CAST: variants seen among roughly 807,000 people sequenced by gnomAD.
CAST encodes MIR583 host.
In CAST, 76 loss-of-function variants were observed where a neutral mutation model predicts 119.6. The ratio of observed to expected loss-of-function variants is 0.64; its 90% CI spans 0.53 to 0.77. The LOEUF (loss-of-function observed/expected upper bound fraction) is 0.77. Ranked by LOEUF, CAST falls within the 30% of genes least tolerant of loss-of-function variation. The pLI, the probability that CAST is intolerant of heterozygous loss-of-function variation, is 0.00. For missense variants in CAST, 953 were observed against 946.5 expected (o/e 1.01, Z -0.09); for synonymous variants, 319 against 331.6 (o/e 0.96, Z 0.41).
chr5:96,325,723 G>T, the CAST span, among the ~76,000 whole-genome samples: 1 of 152,080 alleles, frequency 6.6e-6, no homozygotes, highest in Admixed American at 6.6e-5. Flanking sequence ...CAAATAATCT[G>T]CCTGTCTTGG....
the CAST span, among the ~76,000 whole-genome samples, chr5:96,161,985 T>C: frequency 6.6e-6 from 1 of 152,236 alleles, no homozygotes; most frequent in Non-Finnish European, 1.5e-5. Context: ...TCTACTAAAC[T>C]TATGTATTAG....
At chr5:96,105,313 C>T in the CAST span, among the ~76,000 whole-genome samples, 1 of 152,152 alleles carries the variant, frequency 6.6e-6, no homozygotes, top group African/African-American at 2.4e-5. Flanking sequence ...TGTCTTTTGC[C>T]AGTTTTCAAA....
At chr5:96,305,747 G>A in the CAST span, among the ~76,000 whole-genome samples, 4 of 151,120 alleles carry the variant, frequency 2.6e-5, no homozygotes, top group African/African-American at 9.6e-5. Flanking sequence ...TTATGTGATG[G>A]ATTATGTTTA....
the CAST span, among the ~76,000 whole-genome samples, chr5:96,490,742 A>G: frequency 2.0e-5 from 3 of 152,272 alleles, no homozygotes; most frequent in Non-Finnish European, 4.4e-5. Flanking sequence ...TACTAAAAAA[A>G]TCAACTCCAG....
chr5:96,650,894 G>A (rs1341513326), intron 1 of CAST, among the ~76,000 whole-genome samples: 1 of 152,098 alleles, frequency 6.6e-6, no homozygotes, highest in African/African-American at 2.4e-5. Context: ...CAACAGACTA[G>A]TGCAAAATAG....
At chr5:96,617,868 G>A (rs951758819) in intron 1 of CAST, among the ~76,000 whole-genome samples, 2 of 143,210 alleles carry the variant, frequency 1.4e-5, no homozygotes, top group South Asian at 4.7e-4. Flanking sequence ...AAGATGTAGA[G>A]GTTATTCTAA....
At chr5:96,536,004 TAAATAACCATATG>T (rs1561409658) in intron 1 of CAST, among the ~76,000 whole-genome samples, 19 of 151,608 alleles carry the variant, frequency 1.3e-4, no homozygotes, top group African/African-American at 3.9e-4. Context: ...AACTATATGT[TAAATAACCATATG>T]TTAAATATTT....
chr5:96,168,825 T>C, the CAST span, among the ~76,000 whole-genome samples: 1 of 152,114 alleles, frequency 6.6e-6, no homozygotes, highest in Non-Finnish European at 1.5e-5. Flanking sequence ...AGAGTGAGTA[T>C]AGCTGAAGGA....
chr5:96,606,805 T>TC (rs1345407288), intron 1 of CAST, among the ~76,000 whole-genome samples: 2 of 152,314 alleles, frequency 1.3e-5, no homozygotes, highest in East Asian at 3.9e-4. Flanking sequence ...CATTATACTA[T>TC]CCTAGTGGTT....
chr5:96,236,313 C>G, the CAST span, among the ~76,000 whole-genome samples: 1 of 152,206 alleles, frequency 6.6e-6, no homozygotes, highest in Non-Finnish European at 1.5e-5. Flanking sequence ...TTGCCAAACT[C>G]CTGGATTCTC....
chr5:96,507,921 CA>C, the CAST span, among the ~76,000 whole-genome samples: 23 of 152,084 alleles, frequency 1.5e-4, no homozygotes, highest in East Asian at 2.7e-3. Context: ...TCTAAATTCT[CA>C]AAACTTTGTT....
chr5:96,427,448 T>A, the CAST span, among the ~76,000 whole-genome samples: 3 of 152,344 alleles, frequency 2.0e-5, no homozygotes, highest in Admixed American at 6.5e-5. Flanking sequence ...TTGAAGATCA[T>A]CTAATTCAAC....
chr5:96,419,387 TA>T, the CAST span, among the ~76,000 whole-genome samples: 1 of 56,764 alleles, frequency 1.8e-5, no homozygotes, highest in Non-Finnish European at 3.3e-5. Flanking sequence ...ATACTTATTA[TA>T]TATATATATA....
At chr5:96,040,646 A>G in the CAST span, among the ~76,000 whole-genome samples, 1 of 152,006 alleles carries the variant, frequency 6.6e-6, no homozygotes, top group African/African-American at 2.4e-5. Flanking sequence ...GGTTTTTGTC[A>G]TTGATTCTGT....
chr5:95,969,076 G>A, the CAST span, among the ~76,000 whole-genome samples: 4 of 152,278 alleles, frequency 2.6e-5, no homozygotes, highest in African/African-American at 9.6e-5. Flanking sequence ...CTAAGTTTAA[G>A]GATCTTATGA....
chr5:96,248,958 C>T, the CAST span, among the ~76,000 whole-genome samples: 2 of 152,132 alleles, frequency 1.3e-5, no homozygotes, highest in South Asian at 2.1e-4. Flanking sequence ...AAGGTTTGGC[C>T]TTCTGTTGGG....
the CAST span, among the ~76,000 whole-genome samples, chr5:96,006,943 TCTAAG>T: frequency 6.6e-6 from 1 of 152,220 alleles, no homozygotes. Context: ...TAGCTAAATA[TCTAAG>T]CTTTAAAAAT....
At chr5:96,487,472 C>T in the CAST span, among the ~76,000 whole-genome samples, 2 of 152,332 alleles carry the variant, frequency 1.3e-5, no homozygotes, top group East Asian at 1.9e-4. Context: ...TAAATTAATA[C>T]ATAAGCCATC....
At chr5:96,732,732 A>G (rs1760810867) in intron 9 of CAST, among the ~76,000 whole-genome samples, 1 of 152,070 alleles carries the variant, frequency 6.6e-6, no homozygotes, top group Non-Finnish European at 1.5e-5. Flanking sequence ...GGCTAGCCAT[A>G]TGTAGAAAGC....
Sources: gnomAD v4.1 joint callset for allele counts (sites outside exome capture counted in the v4.1 genomes callset) on GRCh38, gnomAD v4.1.1 for gene constraint, MANE v1.5 for transcripts, NCBI Gene and HGNC (gene_info 2026-07-23, HGNC 2026-07-21) for gene names.